ADAM22: variants seen among roughly 807,000 people sequenced by gnomAD.
The protein encoded by ADAM22 is ADAM metallopeptidase domain 22, also known as disintegrin and metalloproteinase domain-containing protein 22.
ADAM22 carries 65 observed loss-of-function variants against 144.6 expected under a neutral mutation model. The observed-to-expected ratio is 0.45, with a 90% CI of 0.37 to 0.55. The LOEUF is 0.55. Among genes scored for constraint, ADAM22 ranks in the 20% least tolerant of loss-of-function variants. ADAM22 has a pLI of 0.00. For synonymous variants in ADAM22, 391 were observed against 412.6 expected, an observed-to-expected ratio of 0.95 and a Z score of 0.63; for missense variants, 974 against 1,184.9, an observed-to-expected ratio of 0.82 and a Z score of 2.61.
chr7:88,150,962 G>A lies in ADAM22; in HGVS notation c.1567-19G>A. On this transcript the variant is annotated intron_variant, in intron 18 of 31. Coordinates refer to ENST00000413139, the MANE Select transcript of ADAM22 (RefSeq NM_001324418.2). Reference sequence around the variant, plus strand: ...TATTTTGCACTGCATTTCATTCATAGTTGTTCTCTTTTTCCTAGTGTGCCC... The same window carrying A: ...TATTTTGCACTGCATTTCATTCATAATTGTTCTCTTTTTCCTAGTGTGCCC... The A allele has an allele frequency of 2.5e-6, 4 of 1,605,872 alleles. No individual in the cohort carries two copies. The highest frequency in any genetic ancestry group is 3.4e-6 in the Non-Finnish European group (4 of 1,173,098).
chr7:87,970,428 T>G (rs1850166526), intron 2 of ADAM22, among the ~76,000 whole-genome samples: 1 of 152,184 alleles, frequency 6.6e-6, no homozygotes. Flanking sequence ...AGTTATCTTA[T>G]TGTATACTAC....
At chr7:88,167,387 A>G (rs966232377) in intron 24 of ADAM22, among the ~76,000 whole-genome samples, 3 of 152,124 alleles carry the variant, frequency 2.0e-5, no homozygotes, top group African/African-American at 7.2e-5. Flanking sequence ...TAAAGATTAT[A>G]TCTCAGCCTG....
chr7:87,934,514 C>A lies in ADAM22; in HGVS notation c.49C>A (p.Leu17Met). 6.2e-7 allele frequency: 1 copy of A among 1,609,202 alleles called. No homozygotes were observed. The highest frequency in any genetic ancestry group is 8.5e-7 in the Non-Finnish European group (1 of 1,179,616). The change falls in exon 1 of 32, where the codon CTG (leucine) becomes ATG (methionine). Residue 17 changes from leucine (L) to methionine (M), a missense_variant. By Grantham distance (15) the Leu-to-Met change is conservative. Around this residue, in one of 2 missense-constraint regions of ADAM22, gnomAD observed 240 missense variants for 234.3 expected, o/e 1.02. Transcript: ENST00000413139. ...VSVPFLLLCV[L>M]GTCPPARCGQ... ...CGTGCCCTTCTTGCTGCTCTGTGTC[C>A]TGGGGACCTGCCCTCCGGCGCGCTG...
intron 2 of ADAM22, among the ~76,000 whole-genome samples, chr7:87,938,305 A>G (rs926348786): frequency 1.6e-5 from 2 of 128,496 alleles, no homozygotes; most frequent in Admixed American, 2.0e-4. Flanking sequence ...TGCAACCTCC[A>G]CCTCCTGGGT....
chr7:88,145,079 T>C (rs1408966853), intron 15 of ADAM22, 46 bp from the exon 16 acceptor site: 1 of 1,557,920 alleles, frequency 6.4e-7, no homozygotes, highest in Non-Finnish European at 8.8e-7. Context: ...AAGTCTTTGA[T>C]GTTGATTTTT....
chr7:88,042,113 A>G (rs959477098), intron 3 of ADAM22, among the ~76,000 whole-genome samples: 3 of 151,992 alleles, frequency 2.0e-5, no homozygotes, highest in African/African-American at 7.2e-5. Flanking sequence ...TGTCTAAATC[A>G]TTTCTCCAAT....
chr7:88,016,850 G>T (rs1371664997), intron 3 of ADAM22, among the ~76,000 whole-genome samples: 3 of 152,220 alleles, frequency 2.0e-5, no homozygotes, highest in Non-Finnish European at 4.4e-5. Flanking sequence ...CAGCATAGTG[G>T]TTCATGTCTG....
intron 3 of ADAM22, among the ~76,000 whole-genome samples, chr7:88,034,302 C>T (rs1027339247): frequency 3.3e-5 from 5 of 152,188 alleles, no homozygotes; most frequent in African/African-American, 1.2e-4. Context: ...GTAGTGGCTT[C>T]CTTTTTGGGA....
At position 88,196,540 on chromosome 7, in the gene ADAM22, T is replaced by C; in HGVS notation, c.*49T>C. On this transcript the variant is annotated 3_prime_UTR_variant, in exon 32 of 32. Coordinates refer to ENST00000413139, the MANE Select transcript of ADAM22 (RefSeq NM_001324418.2). Reference sequence around the variant, plus strand: ...ATCGAAAACTGTTTACTTCAACTTTTATAGAAACCCAGGCTCATGGAATCA... The same window carrying C: ...ATCGAAAACTGTTTACTTCAACTTTCATAGAAACCCAGGCTCATGGAATCA... The C allele has an allele frequency of 6.3e-7, 1 of 1,594,836 alleles. No individual in the cohort carries two copies. The highest frequency in any genetic ancestry group is 8.6e-7 in the Non-Finnish European group (1 of 1,162,924).
chr7:88,060,537 G>A (rs1022221872), intron 3 of ADAM22, among the ~76,000 whole-genome samples: 17 of 152,054 alleles, frequency 1.1e-4, no homozygotes, highest in Non-Finnish European at 1.9e-4. Context: ...TTGGGAGGCC[G>A]AGGTGGGTGG....
At chr7:87,982,064 TATATACACACACAC>T (rs1287325062) in intron 3 of ADAM22, among the ~76,000 whole-genome samples, 1 of 79,308 alleles carries the variant, frequency 1.3e-5, no homozygotes, top group South Asian at 4.2e-4. Context: ...TATATATATA[TATATACACACACAC>T]ACACACACAC....
At chr7:88,062,797 G>T (rs971780591) in intron 3 of ADAM22, among the ~76,000 whole-genome samples, 2 of 152,176 alleles carry the variant, frequency 1.3e-5, no homozygotes, top group Non-Finnish European at 2.9e-5. Context: ...CCAATGTAGG[G>T]TTATTAATTG....
At chr7:88,171,493 AG>A (rs11332301) in intron 25 of ADAM22, 50 bp from the exon 26 acceptor site, 192,948 of 1,542,484 alleles carry the variant, frequency 0.13, 17,104 homozygotes, top group East Asian at 0.45. Flanking sequence ...GTCCTTCCAG[AG>A]GTAACTAACT....
intron 26 of ADAM22, among the ~76,000 whole-genome samples, chr7:88,178,690 AT>A (rs1846275582): frequency 6.6e-6 from 1 of 152,004 alleles, no homozygotes; most frequent in South Asian, 2.1e-4. Context: ...ATATTTTCAT[AT>A]TTTTCCCCAA....
At chr7:87,950,406 G>T (rs533509210) in intron 2 of ADAM22, among the ~76,000 whole-genome samples, 1 of 146,028 alleles carries the variant, frequency 6.8e-6, no homozygotes, top group Admixed American at 6.8e-5. Context: ...TTTTGTTCTT[G>T]CCATAGTTTA....
Position 87,934,490 on chromosome 7 carries a change from G to A in ADAM22, c.25G>A (p.Val9Met), listed in dbSNP as rs777885105. ...CATGCAGGCGGCAGTGGCTGTGTCCGTGCCCTTCTTGCTGCTCTGTGTCCT... is the reference window on the plus strand; with the variant it reads ...CATGCAGGCGGCAGTGGCTGTGTCCATGCCCTTCTTGCTGCTCTGTGTCCT... MQAAVAVS[V>M]PFLLLCVLGT... The change falls in exon 1 of 32, where the codon GTG becomes ATG. Residue 9 changes from valine to methionine, a missense_variant. By Grantham distance (21) the Val-to-Met change is conservative. This residue lies in a region of ADAM22 where 240 missense variants were observed against 234.3 expected (regional missense o/e 1.02). Transcript: ENST00000413139. 6.2e-7 allele frequency: 1 copy of A among 1,606,802 alleles called. No individual in the cohort carries two copies.
At chr7:88,161,095 A>C (rs187656673) in intron 22 of ADAM22, among the ~76,000 whole-genome samples, 1 of 152,158 alleles carries the variant, frequency 6.6e-6, no homozygotes, top group Admixed American at 6.6e-5. Flanking sequence ...CATGTACCCT[A>C]GAACTTAAAG....
rs894063850 is a variant in ADAM22, at chr7:88,000,184, T to C, written c.323+21772T>C. ...ATTCCTTCTATATAAAATATTCTCT[T>C]TTGAAAAATAAACAGCTCCCCTGCT... On this transcript the variant is annotated intron_variant, in intron 3 of 31. Transcript: ENST00000413139. Among the ~76,000 whole-genome samples, 4 of 152,186 alleles carry C rather than the reference T, an allele frequency of 2.6e-5. 1 individual carries two copies. In the South Asian group the frequency reaches 8.3e-4, roughly 32 times the overall value.
chr7:88,187,641 T>A (rs1333199346), intron 30 of ADAM22, among the ~76,000 whole-genome samples: 4 of 152,224 alleles, frequency 2.6e-5, no homozygotes, highest in Non-Finnish European at 5.9e-5. Context: ...ACTCAATTAC[T>A]ACCTCTTCTG....
Sources: gnomAD v4.1 joint callset for allele counts (sites outside exome capture counted in the v4.1 genomes callset) on GRCh38, gnomAD v4.1.1 for gene constraint, gnomAD v4.1.1 regional missense constraint, MANE v1.5 for transcripts, NCBI Gene and HGNC (gene_info 2026-07-23, HGNC 2026-07-21) for gene names.